The following TAFA1 variants were observed in gnomAD, a reference collection of about 807,000 sequenced individuals.
TAFA1 encodes TAFA chemokine like family member 1, also known as chemokine-like protein TAFA-1.
In TAFA1, 4 loss-of-function variants were observed where a neutral mutation model predicts 18.5. That is an observed-to-expected ratio of 0.22 (90% CI 0.11 to 0.49). TAFA1 has a LOEUF of 0.49. Among genes scored for constraint, TAFA1 ranks in the 20% least tolerant of loss-of-function variants. The pLI is 0.98. For synonymous variants in TAFA1, 56 were observed against 55.2 expected (o/e 1.01, Z -0.06); for missense variants, 147 against 169.0 (o/e 0.87, Z 0.72).
At chr3:68,322,372 T>C (rs1325501717) in intron 2 of TAFA1, among the ~76,000 whole-genome samples, 2 of 152,228 alleles carry the variant, frequency 1.3e-5, no homozygotes, top group Admixed American at 1.3e-4. Context: ...AAATCATCTA[T>C]ACCCTTAGGA....
intron 2 of TAFA1, among the ~76,000 whole-genome samples, chr3:68,345,155 C>T (rs1222492451): frequency 6.6e-6 from 1 of 152,080 alleles, no homozygotes; most frequent in East Asian, 1.9e-4. Flanking sequence ...AAGAGATCAC[C>T]ATTTTGAACC....
At chr3:68,440,911 T>A (rs2071364483) in intron 3 of TAFA1, among the ~76,000 whole-genome samples, 3 of 152,184 alleles carry the variant, frequency 2.0e-5, no homozygotes, top group Admixed American at 1.3e-4. Context: ...AATCTTAACT[T>A]CCAATTTAAT....
chr3:68,180,966 C>T (rs1000566100), intron 2 of TAFA1, among the ~76,000 whole-genome samples: 3 of 152,208 alleles, frequency 2.0e-5, no homozygotes, highest in Non-Finnish European at 4.4e-5. Context: ...TCTTGGTCTT[C>T]CCTTCTCTAG....
At chr3:68,360,502 A>G (rs528502222) in intron 2 of TAFA1, among the ~76,000 whole-genome samples, 7 of 152,088 alleles carry the variant, frequency 4.6e-5, no homozygotes, top group African/African-American at 7.2e-5. Flanking sequence ...AGTAGAAGGA[A>G]AAGGGCACAA....
intron 2 of TAFA1, 45 bp from the exon 3 acceptor site, chr3:68,417,235 C>T (rs748426013): frequency 2.8e-5 from 44 of 1,591,230 alleles, no homozygotes; most frequent in South Asian, 2.0e-4. Flanking sequence ...CGAATAGTCA[C>T]TGAGTTATTT....
At chr3:68,106,121 A>G (rs1234352470) in intron 2 of TAFA1, among the ~76,000 whole-genome samples, 1 of 152,106 alleles carries the variant, frequency 6.6e-6, no homozygotes. Flanking sequence ...ACAAAAGTAG[A>G]TTTCAAAAAT....
the TAFA1 span, among the ~76,000 whole-genome samples, chr3:67,996,410 CAG>C: frequency 1.3e-5 from 2 of 152,016 alleles, no homozygotes; most frequent in African/African-American, 4.8e-5. Flanking sequence ...TCTCTGAAAT[CAG>C]GGGGGATAAA....
At chr3:68,351,524 A>G (rs776381712) in intron 2 of TAFA1, among the ~76,000 whole-genome samples, 2 of 152,078 alleles carry the variant, frequency 1.3e-5, no homozygotes, top group Non-Finnish European at 2.9e-5. Flanking sequence ...GTTTATTAAC[A>G]TGTGTATTTT....
intron 2 of TAFA1, among the ~76,000 whole-genome samples, chr3:68,380,711 T>C (rs867237028): frequency 8.6e-5 from 13 of 151,808 alleles, no homozygotes; most frequent in Middle Eastern, 6.3e-3. Flanking sequence ...TTCTCCCATT[T>C]TGTAGGTTGC....
At chr3:68,417,603 TG>T in intron 3 of TAFA1, 183 bp downstream of exon 3, 4 of 610,694 alleles carry the variant, frequency 6.5e-6, no homozygotes, top group South Asian at 2.3e-5. Flanking sequence ...ATTATTTGAA[TG>T]TTTTTTCCCC....
chr3:68,188,218 A>G (rs1256074320), intron 2 of TAFA1, among the ~76,000 whole-genome samples: 1 of 151,888 alleles, frequency 6.6e-6, no homozygotes, highest in African/African-American at 2.4e-5. Context: ...GAAATTCTAA[A>G]TTAGAGAACA....
At chr3:68,307,070 G>T (rs73099629) in intron 2 of TAFA1, among the ~76,000 whole-genome samples, 4,663 of 152,150 alleles carry the variant, frequency 0.031, 100 homozygotes, top group Middle Eastern at 0.092. Context: ...TCATCAATAA[G>T]GTGTGAATAA....
At chr3:68,374,958 C>T (rs2069780242) in intron 2 of TAFA1, among the ~76,000 whole-genome samples, 1 of 152,006 alleles carries the variant, frequency 6.6e-6, no homozygotes, top group South Asian at 2.1e-4. Context: ...GCATTGTCTC[C>T]AACCACCTTT....
At chr3:68,251,794 T>C (rs2107165108) in intron 2 of TAFA1, among the ~76,000 whole-genome samples, 1 of 152,264 alleles carries the variant, frequency 6.6e-6, no homozygotes, top group Non-Finnish European at 1.5e-5. Flanking sequence ...GCCAAAGCCT[T>C]GGAGGGCAGG....
At chr3:68,077,382 C>G (rs1321415553) in intron 2 of TAFA1, among the ~76,000 whole-genome samples, 2 of 129,612 alleles carry the variant, frequency 1.5e-5, no homozygotes, top group African/African-American at 6.1e-5. Flanking sequence ...AAGTCCTTGC[C>G]CATGCCTATG....
intron 2 of TAFA1, among the ~76,000 whole-genome samples, chr3:68,398,637 GA>G (rs2070430948): frequency 6.6e-6 from 1 of 152,122 alleles, no homozygotes; most frequent in Non-Finnish European, 1.5e-5. Flanking sequence ...CTGTGAGGAA[GA>G]AAACTTTAAC....
intron 2 of TAFA1, among the ~76,000 whole-genome samples, chr3:68,216,010 G>C (rs913381044): frequency 2.0e-5 from 3 of 152,030 alleles, no homozygotes; most frequent in Non-Finnish European, 4.4e-5. Context: ...GCCATAGAGA[G>C]ACATGGAGGA....
At position 68,011,708 on chromosome 3, in the gene TAFA1, T is replaced by C. The variant is rs1482859533; in HGVS notation, c.118+4964T>C. Among the ~76,000 whole-genome samples, 3 of 152,182 alleles carry C rather than the reference T, an allele frequency of 2.0e-5. No homozygotes were observed. In the East Asian group the frequency reaches 5.8e-4, roughly 29 times the overall value. Reference sequence around the variant, plus strand: ...TGCGTACCAGTGCTAGGCTGCTAAATATAGCGAATTGGCCTAAGGATTGGA... The same window carrying C: ...TGCGTACCAGTGCTAGGCTGCTAAACATAGCGAATTGGCCTAAGGATTGGA... On this transcript the variant is annotated intron_variant, in intron 2 of 4. Coordinates refer to ENST00000478136, the MANE Select transcript of TAFA1 (RefSeq NM_213609.4).
intron 3 of TAFA1, among the ~76,000 whole-genome samples, chr3:68,453,473 A>G (rs1289450661): frequency 6.6e-6 from 1 of 152,234 alleles, no homozygotes; most frequent in Non-Finnish European, 1.5e-5. Context: ...AGGATGGCAT[A>G]TATATGGGCT....
Sources: allele counts gnomAD v4.1 joint callset (sites outside exome capture counted in the v4.1 genomes callset), GRCh38; gene constraint gnomAD v4.1.1; transcripts MANE v1.5; gene names NCBI Gene and HGNC (gene_info 2026-07-23, HGNC 2026-07-21).